CENPP: variants seen among roughly 807,000 people sequenced by gnomAD.
CENPP encodes centromere protein P.
Under a neutral mutation model 35.6 loss-of-function variants are expected in CENPP, and 24 were observed. The observed-to-expected ratio is 0.67, with a 90% CI of 0.49 to 0.95. CENPP has a LOEUF of 0.95. Ranked by LOEUF, CENPP falls within the 40% of genes least tolerant of loss-of-function variation. The pLI is 0.00. For synonymous variants in CENPP, 120 were observed against 125.5 expected, an observed-to-expected ratio of 0.96 and a Z score of 0.29; for missense variants, 332 against 345.3, an observed-to-expected ratio of 0.96 and a Z score of 0.31.
chr9:92,401,679 A>G (rs1278086189), intron 5 of CENPP, among the ~76,000 whole-genome samples: 1 of 152,142 alleles, frequency 6.6e-6, no homozygotes, highest in Admixed American at 6.5e-5. Flanking sequence ...TTAATTACCT[A>G]TATCCCTCCA....
rs563515121 is a variant in CENPP at position 92,379,759 on chromosome 9, A to G, written c.468-4A>G. ...ATTAATCAGAGAATCATTTATTCCT[A>G]CAGAGCAGAAGAGAGAAAAGATCTG... On this transcript the variant is annotated splice_region_variant and splice_polypyrimidine_tract_variant and intron_variant, in intron 4 of 7. Transcript: ENST00000375587. 1.3e-6 allele frequency: 2 copies of G among 1,592,312 alleles called. No homozygotes were observed. The highest frequency in any genetic ancestry group is 1.3e-5 in the African/African-American group (1 of 74,540).
At chr9:92,401,121 G>A (rs1843093851) in intron 5 of CENPP, 3 of 1,532,396 alleles carry the variant, frequency 2.0e-6, no homozygotes, top group Non-Finnish European at 2.7e-6. Context: ...AGGTAATGGT[G>A]TTATTGCCTC....
chr9:92,338,937 A>G (rs867536459), intron 3 of CENPP, among the ~76,000 whole-genome samples: 1 of 152,224 alleles, frequency 6.6e-6, no homozygotes, highest in African/African-American at 2.4e-5. Context: ...AGACAGAATG[A>G]TAACAAGTAA....
At chr9:92,514,274 CTT>C (rs1044226766) in intron 5 of CENPP, among the ~76,000 whole-genome samples, 18 of 130,706 alleles carry the variant, frequency 1.4e-4, no homozygotes, top group Admixed American at 1.5e-4. Flanking sequence ...GAGTCATTTA[CTT>C]TTTTTTTTTT....
intron 5 of CENPP, among the ~76,000 whole-genome samples, chr9:92,410,852 A>G (rs958889312): frequency 2.6e-5 from 4 of 152,220 alleles, no homozygotes; most frequent in African/African-American, 9.6e-5. Flanking sequence ...TATGACAACC[A>G]TATGGAAACC....
chr9:92,549,781 AGT>A (rs1350685120), intron 5 of CENPP, among the ~76,000 whole-genome samples: 2 of 152,202 alleles, frequency 1.3e-5, no homozygotes, highest in Non-Finnish European at 2.9e-5. Context: ...TCCCTAAGAT[AGT>A]GCTGTTAGGC....
In CENPP at chr9:92,617,561, T is replaced by A. The variant is rs1191940469; in HGVS notation, c.*4412T>A. On this transcript the variant is annotated 3_prime_UTR_variant, in exon 8 of 8. Coordinates refer to ENST00000375587, the MANE Select transcript of CENPP (RefSeq NM_001012267.3). ...GCCCCAGGGACACACCTGTCCCTTG[T>A]GCCACAAGTGTGCCCTCTAGCAGCC... 1 of 152,958 alleles carries A rather than the reference T, an allele frequency of 6.5e-6. No individual in the cohort carries two copies. Among genetic ancestry groups the A allele is most frequent in the East Asian group, 1.9e-4 (1 of 5,202 alleles). 9.5% of individuals were successfully genotyped at this position (152,958 alleles called of 1,614,324 possible). A position where few individuals can be genotyped will look rare whatever the true frequency, so the allele number is the denominator to read the frequency against.
At chr9:92,545,737 A>G (rs1051427918) in intron 5 of CENPP, among the ~76,000 whole-genome samples, 3 of 152,158 alleles carry the variant, frequency 2.0e-5, no homozygotes, top group African/African-American at 7.2e-5. Context: ...TCTAGTGGGG[A>G]TTTGGAGAAC....
chr9:92,369,552 T>C (rs1327221577), intron 4 of CENPP, among the ~76,000 whole-genome samples: 2 of 152,220 alleles, frequency 1.3e-5, no homozygotes, highest in African/African-American at 4.8e-5. Flanking sequence ...TTGCACTGAA[T>C]TGGTAGATTG....
chr9:92,478,580 G>C (rs1845795789), intron 5 of CENPP, among the ~76,000 whole-genome samples: 1 of 152,072 alleles, frequency 6.6e-6, no homozygotes, highest in Non-Finnish European at 1.5e-5. Context: ...CAGCCTTCAA[G>C]TAGCTGGGAT....
intron 5 of CENPP, among the ~76,000 whole-genome samples, chr9:92,555,430 T>C (rs1038294363): frequency 6.6e-6 from 1 of 151,710 alleles, no homozygotes; most frequent in Admixed American, 6.6e-5. Flanking sequence ...GATTTCACCA[T>C]GTTAGCCAGG....
chr9:92,369,933 A>G (rs765806876), intron 4 of CENPP, among the ~76,000 whole-genome samples: 1 of 152,198 alleles, frequency 6.6e-6, no homozygotes, highest in Non-Finnish European at 1.5e-5. Flanking sequence ...TCCCCTGTTC[A>G]GTATGATGTT....
At chr9:92,504,429 A>G (rs1232808228) in intron 5 of CENPP, among the ~76,000 whole-genome samples, 1 of 152,168 alleles carries the variant, frequency 6.6e-6, no homozygotes, top group African/African-American at 2.4e-5. Context: ...TGGCTGGATG[A>G]TCATGTGGTC....
intron 4 of CENPP, among the ~76,000 whole-genome samples, chr9:92,346,984 A>G (rs1841310941): frequency 6.6e-6 from 1 of 150,622 alleles, no homozygotes; most frequent in Admixed American, 6.6e-5. Flanking sequence ...TGAAATAAAA[A>G]TGAGAAAGAG....
intron 5 of CENPP, among the ~76,000 whole-genome samples, chr9:92,520,862 G>A (rs1848023452): frequency 6.6e-6 from 1 of 152,156 alleles, no homozygotes; most frequent in South Asian, 2.1e-4. Flanking sequence ...AAATACACAA[G>A]GCCACATATT....
At chr9:92,501,104 T>A in intron 5 of CENPP, 1 of 1,563,420 alleles carries the variant, frequency 6.4e-7, no homozygotes, top group Non-Finnish European at 8.7e-7. Context: ...ATGGTGATCA[T>A]CAGCTCTAAA....
intron 5 of CENPP, among the ~76,000 whole-genome samples, chr9:92,515,980 A>G (rs1847679098): frequency 6.6e-6 from 1 of 151,904 alleles, no homozygotes; most frequent in South Asian, 2.1e-4. Flanking sequence ...CTTTGGCAGA[A>G]AGTGGGGAAG....
At chr9:92,344,963 T>C (rs888404010) in intron 3 of CENPP, among the ~76,000 whole-genome samples, 1 of 151,092 alleles carries the variant, frequency 6.6e-6, no homozygotes, top group Non-Finnish European at 1.5e-5. Context: ...GGTCAAGAGA[T>C]TGAGACCGCC....
At chr9:92,562,691 A>C (rs1378675001) in intron 5 of CENPP, among the ~76,000 whole-genome samples, 1 of 152,148 alleles carries the variant, frequency 6.6e-6, no homozygotes, top group Non-Finnish European at 1.5e-5. Context: ...GAGGTTTGTG[A>C]GAAAATTACA....
Sources: allele counts gnomAD v4.1 joint callset (sites outside exome capture counted in the v4.1 genomes callset), GRCh38; gene constraint gnomAD v4.1.1; transcripts MANE v1.5; gene names NCBI Gene and HGNC (gene_info 2026-07-23, HGNC 2026-07-21).